PANX1: variants seen among roughly 807,000 people sequenced by gnomAD.
The protein encoded by PANX1 is pannexin-1.
In PANX1, 30 loss-of-function variants were observed where a neutral mutation model predicts 38.7. That is an observed-to-expected ratio of 0.78 (90% confidence interval 0.58 to 1.05). The LOEUF (loss-of-function observed/expected upper bound fraction) is 1.05, where lower values mean the gene tolerates loss of function less well. Ranked by LOEUF, PANX1 falls within the 50% of genes least tolerant of loss-of-function variation. PANX1 has a pLI of 0.00. For missense variants in PANX1, 551 were observed against 517.2 expected (o/e 1.07, Z -0.63); for synonymous variants, 230 against 212.2 (o/e 1.08, Z -0.73).
intron 1 of PANX1, among the ~76,000 whole-genome samples, 191 bp from the exon 2 acceptor site, chr11:94,153,300 G>C (rs1231967024): frequency 1.3e-5 from 2 of 152,284 alleles, no homozygotes; most frequent in African/African-American, 2.4e-5. Flanking sequence ...ATCATGACCA[G>C]TGTTGGCCAA....
intron 1 of PANX1, among the ~76,000 whole-genome samples, chr11:94,139,119 T>G (rs890529770): frequency 2.0e-5 from 3 of 152,362 alleles, no homozygotes; most frequent in African/African-American, 7.2e-5. Context: ...AGCCTATTTT[T>G]GGGCTGTTTA....
At position 94,181,894 on chromosome 11, in the gene PANX1, T is replaced by C. The variant is rs1947309256; in HGVS notation, c.*1025T>C. The stretch of plus-strand genomic sequence containing the variant: ...CATTATCGTTTATTCAGTGTCCGAA[T>C]TGAGGCCATTTGGGAAGAAAATTCT... On this transcript the variant is annotated 3_prime_UTR_variant, in exon 5 of 5. Coordinates refer to ENST00000227638, the MANE Select transcript of PANX1 (RefSeq NM_015368.4). The C allele has an allele frequency of 6.6e-6, 1 of 152,224 alleles. No homozygotes were observed. The highest frequency in any genetic ancestry group is 1.5e-5 in the Non-Finnish European group (1 of 68,036). The allele number at this position is 152,224 out of a possible 1,614,324, so 9.4% of individuals were successfully genotyped here.
intron 1 of PANX1, among the ~76,000 whole-genome samples, chr11:94,141,177 A>G (rs1946757887): frequency 6.6e-6 from 1 of 152,218 alleles, no homozygotes; most frequent in Non-Finnish European, 1.5e-5. Context: ...GTTTGAAATC[A>G]GAGGGACAAA....
chr11:94,167,032 T>A (rs1256617887), intron 2 of PANX1, among the ~76,000 whole-genome samples: 1 of 152,218 alleles, frequency 6.6e-6, no homozygotes, highest in Non-Finnish European at 1.5e-5. Flanking sequence ...GGAGTCACTT[T>A]TCTCCCACTG....
intron 2 of PANX1, among the ~76,000 whole-genome samples, chr11:94,166,558 A>G (rs1374225971): frequency 6.6e-6 from 1 of 152,160 alleles, no homozygotes; most frequent in African/African-American, 2.4e-5. Flanking sequence ...TGTAATTTGC[A>G]TCTTTTCACC....
chr11:94,177,869 T>G (rs1947253272), intron 2 of PANX1, among the ~76,000 whole-genome samples: 1 of 152,008 alleles, frequency 6.6e-6, no homozygotes, highest in African/African-American at 2.4e-5. Flanking sequence ...GGATGATTAC[T>G]GAATCACTGA....
Position 94,179,592 on chromosome 11 carries a change from T to G in PANX1, c.546-10T>G. ...GTGCCTAAGTTATTTTTGTTTCCTT[T>G]ATTTTTTAGTTTGTGGGAGGTATCT... On this transcript the variant is annotated splice_polypyrimidine_tract_variant and intron_variant, in intron 3 of 4. Transcript: ENST00000227638. 6.2e-7 allele frequency: 1 copy of G among 1,607,724 alleles called. No individual in the cohort carries two copies. Among genetic ancestry groups the G allele is most frequent in the South Asian group, 1.1e-5 (1 of 90,644 alleles).
rs1350760765 is a variant in PANX1, at chr11:94,179,799, T to A, written c.743T>A (p.Ile248Asn). Residue 248 changes from isoleucine to asparagine, a missense_variant, in exon 4 of 5, where the codon ATC (isoleucine) becomes AAC (asparagine). Ile to Asn is a moderately radical substitution (Grantham distance 149). Coordinates refer to ENST00000227638, the MANE Select transcript of PANX1 (RefSeq NM_015368.4). ...CTCTCAGACGAGTTTGTGTGCAGCA[T>A]CAAATCAGGGATCCTGAGAAACGAC... ...SSLSDEFVCS[I>N]KSGILRNDST... The A allele has an allele frequency of 2.5e-6, 4 of 1,614,160 alleles. No homozygotes were observed. Among genetic ancestry groups the A allele is most frequent in the Non-Finnish European group, 3.4e-6 (4 of 1,179,996 alleles).
intron 2 of PANX1, among the ~76,000 whole-genome samples, chr11:94,163,208 A>G (rs1484397019): frequency 1.3e-5 from 2 of 152,118 alleles, no homozygotes; most frequent in East Asian, 3.8e-4. Flanking sequence ...ATTTGTACAT[A>G]TTTGTGGACT....
chr11:94,167,036 C>G (rs1260844833), intron 2 of PANX1, among the ~76,000 whole-genome samples: 1 of 152,160 alleles, frequency 6.6e-6, no homozygotes, highest in Non-Finnish European at 1.5e-5. Context: ...TCACTTTTCT[C>G]CCACTGGGGC....
intron 1 of PANX1, among the ~76,000 whole-genome samples, chr11:94,131,707 T>A (rs949198197): frequency 6.6e-5 from 10 of 152,126 alleles, no homozygotes; most frequent in African/African-American, 2.4e-4. Flanking sequence ...CCTATTAGAT[T>A]AGGTATACAT....
Position 94,180,326 on chromosome 11 carries a change from T to C in PANX1, c.1201+69T>C, listed in dbSNP as rs117613677. 9.4e-3 allele frequency: 12,115 copies of C among 1,286,314 alleles called. 124 individuals carry two copies. Among genetic ancestry groups the C allele is most frequent in the Non-Finnish European group, 8.8e-3 (8,145 of 925,024 alleles). The allele number at this position is 1,286,314 out of a possible 1,614,324, so 79.7% of individuals were successfully genotyped here. On this transcript the variant is annotated intron_variant, in intron 4 of 4. Transcript: ENST00000227638. ...CCTTTGCAGCAGCCTTGTGGGAATA[T>C]TGACAGTCTTTACCCTGCCCATCAT...
intron 2 of PANX1, among the ~76,000 whole-genome samples, chr11:94,161,655 C>T (rs1947037789): frequency 6.6e-6 from 1 of 152,082 alleles, no homozygotes; most frequent in Non-Finnish European, 1.5e-5. Flanking sequence ...ACTTCTTTGC[C>T]ATTGGTTCGA....
chr11:94,178,922 A>T (rs920995150), intron 3 of PANX1, among the ~76,000 whole-genome samples: 2 of 151,972 alleles, frequency 1.3e-5, no homozygotes, highest in African/African-American at 4.8e-5. Flanking sequence ...GATCTATTTA[A>T]CTCCTTAATG....
chr11:94,156,838 T>C (rs974388033), intron 2 of PANX1, among the ~76,000 whole-genome samples: 19 of 152,142 alleles, frequency 1.2e-4, no homozygotes, highest in African/African-American at 4.3e-4. Flanking sequence ...AACTCGTCAT[T>C]TAACATTAGG....
chr11:94,143,338 T>C (rs900056913), intron 1 of PANX1, among the ~76,000 whole-genome samples: 2 of 152,216 alleles, frequency 1.3e-5, no homozygotes, highest in Non-Finnish European at 2.9e-5. Context: ...TTGTAGAGGA[T>C]AAGACAGATG....
At chr11:94,151,991 C>T (rs1946887181) in intron 1 of PANX1, among the ~76,000 whole-genome samples, 1 of 152,176 alleles carries the variant, frequency 6.6e-6, no homozygotes, top group African/African-American at 2.4e-5. Context: ...ATCTCCATCA[C>T]TTCTCTCTTG....
intron 1 of PANX1, among the ~76,000 whole-genome samples, chr11:94,135,850 A>G (rs1195984938): frequency 1.3e-5 from 2 of 152,232 alleles, no homozygotes; most frequent in African/African-American, 4.8e-5. Flanking sequence ...TTTTAAAACA[A>G]ATCGAGTCAT....
chr11:94,167,059 T>C (rs1947110017), intron 2 of PANX1, among the ~76,000 whole-genome samples: 1 of 152,140 alleles, frequency 6.6e-6, no homozygotes, highest in African/African-American at 2.4e-5. Context: ...AAGATTCCCC[T>C]CTGGCCCAGG....
Sources: allele counts gnomAD v4.1 joint callset (sites outside exome capture counted in the v4.1 genomes callset), GRCh38; gene constraint gnomAD v4.1.1; transcripts MANE v1.5; gene names NCBI Gene and HGNC (gene_info 2026-07-23, HGNC 2026-07-21).